Variants in AGBL1 observed in about 807,000 individuals in gnomAD.
The protein encoded by AGBL1 is cytosolic carboxypeptidase 4.
In AGBL1, 130 loss-of-function variants were observed where a neutral mutation model predicts 118.9. That is an observed-to-expected ratio of 1.09 (90% CI 0.95 to 1.26). AGBL1 has a LOEUF of 1.26. Among genes scored for constraint, AGBL1 ranks in the 50% most tolerant of loss-of-function variants. The probability of loss-of-function intolerance (pLI) is 0.00; values close to 1 mark genes in which losing one functional copy is unlikely to be tolerated. For synonymous variants in AGBL1, 555 were observed against 478.9 expected (o/e 1.16, Z -2.08); for missense variants, 1,584 against 1,298.1 (o/e 1.22, Z -3.38).
intron 23 of AGBL1, among the ~76,000 whole-genome samples, chr15:86,928,314 G>T (rs1161620650): frequency 6.6e-6 from 1 of 152,152 alleles, no homozygotes; most frequent in Non-Finnish European, 1.5e-5. Flanking sequence ...AGAAGCAAAG[G>T]CAGAGAACAC....
intron 18 of AGBL1, among the ~76,000 whole-genome samples, chr15:86,485,412 C>T (rs146890409): frequency 5.7e-4 from 86 of 152,168 alleles, no homozygotes; most frequent in African/African-American, 2.0e-3. Flanking sequence ...AATACATGTG[C>T]AGGATCAAAC....
At chr15:86,336,309 A>T (rs1207720789) in intron 17 of AGBL1, among the ~76,000 whole-genome samples, 2 of 152,212 alleles carry the variant, frequency 1.3e-5, no homozygotes, top group Non-Finnish European at 2.9e-5. Flanking sequence ...CAAGTCTTGA[A>T]CATGCTTCAG....
intron 22 of AGBL1, among the ~76,000 whole-genome samples, chr15:86,682,887 G>C (rs193044998): frequency 3.3e-5 from 5 of 152,184 alleles, no homozygotes; most frequent in Admixed American, 2.6e-4. Context: ...CCATGTAGTA[G>C]ATGCTTCCAT....
chr15:86,871,886 AT>A (rs2141506802), intron 22 of AGBL1, among the ~76,000 whole-genome samples: 1 of 152,324 alleles, frequency 6.6e-6, no homozygotes, highest in East Asian at 1.9e-4. Context: ...TGAATTATTT[AT>A]TTGAATGATT....
At chr15:86,311,589 T>C (rs2079922135) in intron 17 of AGBL1, among the ~76,000 whole-genome samples, 1 of 152,180 alleles carries the variant, frequency 6.6e-6, no homozygotes, top group Non-Finnish European at 1.5e-5. Flanking sequence ...ACCCGGGTTT[T>C]CTCCGGGGCT....
intron 22 of AGBL1, among the ~76,000 whole-genome samples, chr15:86,896,125 T>C (rs1165934491): frequency 2.0e-5 from 3 of 152,066 alleles, no homozygotes; most frequent in African/African-American, 7.2e-5. Flanking sequence ...TAAATCTACC[T>C]TTTTTCCCAA....
chr15:87,015,316 A>G (rs1157245417), intron 24 of AGBL1, among the ~76,000 whole-genome samples: 2 of 152,104 alleles, frequency 1.3e-5, no homozygotes, highest in African/African-American at 4.8e-5. Context: ...ATAATCATGG[A>G]AGCCAATTCC....
intron 22 of AGBL1, among the ~76,000 whole-genome samples, chr15:86,743,735 T>C (rs981361075): frequency 6.6e-6 from 1 of 152,112 alleles, no homozygotes; most frequent in Non-Finnish European, 1.5e-5. Context: ...GAAAAATATC[T>C]GAGAGCTTCT....
intron 1 of AGBL1, chr15:86,086,327 G>A (rs1186109264): frequency 6.6e-6 from 1 of 152,166 alleles, no homozygotes; most frequent in Non-Finnish European, 1.5e-5. Flanking sequence ...ATGGGTGTAT[G>A]GAAATGCATC....
chr15:86,157,062 T>A (rs979989020), intron 4 of AGBL1, among the ~76,000 whole-genome samples: 1 of 152,174 alleles, frequency 6.6e-6, no homozygotes, highest in African/African-American at 2.4e-5. Flanking sequence ...AGTGCTGAGA[T>A]TATAAGTGTG....
At chr15:86,721,950 G>A (rs1477089927) in intron 22 of AGBL1, among the ~76,000 whole-genome samples, 1 of 152,082 alleles carries the variant, frequency 6.6e-6, no homozygotes, top group African/African-American at 2.4e-5. Flanking sequence ...AACTTACAAG[G>A]GATGTGAAGG....
At chr15:86,463,892 CT>C in intron 18 of AGBL1, among the ~76,000 whole-genome samples, 1 of 152,218 alleles carries the variant, frequency 6.6e-6, no homozygotes, top group East Asian at 1.9e-4. Context: ...CAGCTTCATC[CT>C]TTTTGCTTAG....
At chr15:86,259,737 A>C (rs901043249) in intron 9 of AGBL1, among the ~76,000 whole-genome samples, 1 of 152,222 alleles carries the variant, frequency 6.6e-6, no homozygotes, top group African/African-American at 2.4e-5. Context: ...GTACGTGCTG[A>C]ATTATTTGAA....
intron 17 of AGBL1, among the ~76,000 whole-genome samples, chr15:86,346,974 C>T (rs949994764): frequency 1.3e-5 from 2 of 152,156 alleles, no homozygotes; most frequent in African/African-American, 4.8e-5. Flanking sequence ...TTCGTTTACA[C>T]AATATGGATC....
intron 22 of AGBL1, among the ~76,000 whole-genome samples, chr15:86,888,392 A>AT (rs760708918): frequency 1.4e-4 from 21 of 152,140 alleles, no homozygotes; most frequent in Non-Finnish European, 2.2e-4. Context: ...ACCAATCCAC[A>AT]TAAACTGTAG....
At chr15:86,375,835 G>A (rs1307092664) in intron 17 of AGBL1, among the ~76,000 whole-genome samples, 1 of 152,202 alleles carries the variant, frequency 6.6e-6, no homozygotes, top group East Asian at 1.9e-4. Context: ...CATGGGTGAA[G>A]GAGAAGTGAA....
At chr15:86,689,325 G>C (rs2086120343) in intron 22 of AGBL1, among the ~76,000 whole-genome samples, 2 of 152,070 alleles carry the variant, frequency 1.3e-5, no homozygotes. Context: ...AGCATTTCTA[G>C]CCACTCCTAC....
chr15:86,399,665 C>A (rs2081416896), intron 18 of AGBL1, among the ~76,000 whole-genome samples: 1 of 152,158 alleles, frequency 6.6e-6, no homozygotes, highest in South Asian at 2.1e-4. Flanking sequence ...CTTACACCAC[C>A]AAACCAGGGG....
intron 22 of AGBL1, among the ~76,000 whole-genome samples, chr15:86,821,712 A>G (rs576294522): frequency 1.3e-5 from 2 of 152,254 alleles, no homozygotes; most frequent in East Asian, 1.9e-4. Flanking sequence ...TTGAGCATTT[A>G]CTGTTTTCCT....
Sources: allele counts gnomAD v4.1 joint callset (sites outside exome capture counted in the v4.1 genomes callset), GRCh38; gene constraint gnomAD v4.1.1; transcripts MANE v1.5; gene names NCBI Gene and HGNC (gene_info 2026-07-23, HGNC 2026-07-21).